Variants in ANKS6 observed in about 807,000 individuals in gnomAD.
The protein encoded by ANKS6 is ankyrin repeat and sterile alpha motif domain containing 6, also known as ankyrin repeat and SAM domain-containing protein 6.
ANKS6 carries 47 observed loss-of-function variants against 77.9 expected under a neutral mutation model. That is an observed-to-expected ratio of 0.60 (90% CI 0.48 to 0.77). ANKS6 has a LOEUF of 0.77. Ranked by LOEUF, ANKS6 falls within the 30% of genes least tolerant of loss-of-function variation. The pLI, the probability that ANKS6 is intolerant of heterozygous loss-of-function variation, is 0.00. For synonymous variants in ANKS6, 488 were observed against 501.7 expected (o/e 0.97, Z 0.37); for missense variants, 1,150 against 1,159.1 (o/e 0.99, Z 0.11).
intron 8 of ANKS6, among the ~76,000 whole-genome samples, chr9:98,775,371 C>A (rs191174417): frequency 6.6e-6 from 1 of 152,318 alleles, no homozygotes; most frequent in South Asian, 2.1e-4. Flanking sequence ...ATCCCAGAGT[C>A]TGACAGTTCA....
At chr9:98,746,689 G>A (rs540673014) in intron 13 of ANKS6, among the ~76,000 whole-genome samples, 1 of 151,426 alleles carries the variant, frequency 6.6e-6, no homozygotes, top group African/African-American at 2.4e-5. Flanking sequence ...TCTCCACAAT[G>A]CCACATCACC....
chr9:98,736,763 A>C, intron 14 of ANKS6, 140 bp from the exon 15 acceptor site: 2 of 1,080,728 alleles, frequency 1.9e-6, no homozygotes, highest in Non-Finnish European at 2.7e-6. Flanking sequence ...TACCTAACTG[A>C]AAGAGTACCG....
chr9:98,764,221 AT>A (rs1275261247), intron 11 of ANKS6, among the ~76,000 whole-genome samples: 2 of 151,996 alleles, frequency 1.3e-5, no homozygotes, highest in African/African-American at 4.8e-5. Flanking sequence ...TGTAATTCCT[AT>A]TTTTGTTTCT....
Position 98,796,293 on chromosome 9 carries a change from C to A in ANKS6, c.199G>T (p.Ala67Ser), listed in dbSNP as rs1458277909. Residue 67 changes from alanine (A) to serine (S), a missense_variant, in exon 1 of 15, where the codon GCT (alanine) becomes TCT (serine). Coordinates refer to ENST00000353234, the MANE Select transcript of ANKS6 (RefSeq NM_173551.5). ...TCCGAGCAATCCACGGGCACCGGAG[C>A]CCCGACTGCCCCCGCCGCTGCGGCC... ...PGAAAAGAVG[A>S]PVPVDCSDEA... The A allele has an allele frequency of 7.8e-7, 1 of 1,276,696 alleles. No individual in the cohort carries two copies. Among genetic ancestry groups the A allele is most frequent in the African/African-American group, 1.5e-5 (1 of 65,094 alleles). 79.1% of individuals were successfully genotyped at this position (1,276,696 alleles called of 1,614,324 possible).
intron 2 of ANKS6, 53 bp downstream of exon 2, chr9:98,790,051 C>T: frequency 6.6e-7 from 1 of 1,518,666 alleles, no homozygotes. Flanking sequence ...GCTTAAGCCA[C>T]ATAAACACAA....
rs949232893 is a variant in ANKS6, at chr9:98,791,336, C to T, written c.360-730G>A. Among the ~76,000 whole-genome samples, 7 of 152,244 alleles carry T rather than the reference C, an allele frequency of 4.6e-5. No homozygotes were observed. Among genetic ancestry groups the T allele is most frequent in the African/African-American group, 1.7e-4 (7 of 41,458 alleles). On this transcript the variant is annotated intron_variant, in intron 1 of 14. Coordinates refer to ENST00000353234, the MANE Select transcript of ANKS6 (RefSeq NM_173551.5). The surrounding 1 kb of genome is among the most constrained non-coding windows in gnomAD (Gnocchi z 4.3). ...CTGGGCATTGCGGCCTGGAGGCCTGCTGCCACCTGCTGGCAGGAATGTTTG... is the reference window on the plus strand; with the variant it reads ...CTGGGCATTGCGGCCTGGAGGCCTGTTGCCACCTGCTGGCAGGAATGTTTG...
intron 12 of ANKS6, among the ~76,000 whole-genome samples, chr9:98,754,307 T>C (rs1832582073): frequency 6.6e-6 from 1 of 152,160 alleles, no homozygotes; most frequent in African/African-American, 2.4e-5. Flanking sequence ...TCACGTGTCC[T>C]TGACTGGGAC....
intron 5 of ANKS6, 62 bp downstream of exon 5, chr9:98,782,405 T>A: frequency 6.8e-7 from 1 of 1,469,994 alleles, no homozygotes; most frequent in Non-Finnish European, 9.5e-7. Flanking sequence ...GAGGTGCCTG[T>A]CTTGACTCCC....
intron 14 of ANKS6, among the ~76,000 whole-genome samples, chr9:98,738,247 C>G (rs1055143822): frequency 1.3e-5 from 2 of 152,044 alleles, no homozygotes; most frequent in African/African-American, 4.8e-5. Context: ...CTTATTTAAA[C>G]TAAAGAGCTT....
At chr9:98,762,019 C>G (rs533573016) in intron 11 of ANKS6, among the ~76,000 whole-genome samples, 1 of 152,144 alleles carries the variant, frequency 6.6e-6, no homozygotes, top group Admixed American at 6.5e-5. Flanking sequence ...AATCACAAGC[C>G]TTCCATCTCT....
chr9:98,778,408 A>C lies in ANKS6; in HGVS notation c.1385T>G (p.Met462Arg), dbSNP rs2118085004. The C allele has an allele frequency of 6.2e-7, 1 of 1,614,038 alleles. No individual in the cohort carries two copies. The change falls in exon 7 of 15, where the codon ATG (methionine) becomes AGG (arginine). Residue 462 changes from methionine (M) to arginine (R), a missense_variant. Physicochemically the swap from Met to Arg is moderately conservative, Grantham distance 91 (BLOSUM62 -1). Transcript: ENST00000353234. ...KGGLKSWWNRMSNRFRKLKLM... is the reference protein window; with the variant it reads ...KGGLKSWWNRRSNRFRKLKLM... ...TTTGAGCTTTCGGAACCGATTGGAC[A>C]TTCGGTTCCACCAGGACTGCCAAAG...
chr9:98,787,021 G>C (rs540603970), intron 2 of ANKS6, among the ~76,000 whole-genome samples: 97 of 152,202 alleles, frequency 6.4e-4, no homozygotes, highest in Non-Finnish European at 1.3e-3. Context: ...CACAACCTCA[G>C]TGGGGAGTCA....
At chr9:98,785,711 A>T (rs746884954) in intron 2 of ANKS6, among the ~76,000 whole-genome samples, 55 of 152,156 alleles carry the variant, frequency 3.6e-4, no homozygotes, top group Admixed American at 3.3e-4. Flanking sequence ...GGGATGGAGC[A>T]GCTGCCAGAG....
chr9:98,738,243 T>G (rs1212052116), intron 14 of ANKS6, among the ~76,000 whole-genome samples: 4 of 152,064 alleles, frequency 2.6e-5, no homozygotes, highest in Non-Finnish European at 5.9e-5. Context: ...GAGACTTATT[T>G]AAACTAAAGA....
intron 8 of ANKS6, among the ~76,000 whole-genome samples, chr9:98,775,556 T>C (rs1833877584): frequency 6.6e-6 from 1 of 152,190 alleles, no homozygotes; most frequent in South Asian, 2.1e-4. Flanking sequence ...CTCAGGAATA[T>C]TAAATGAGCT....
chr9:98,774,445 G>C (rs1440149728), intron 8 of ANKS6, among the ~76,000 whole-genome samples: 1 of 152,186 alleles, frequency 6.6e-6, no homozygotes. Context: ...TGTGGGAACC[G>C]AGCTGAGAAC....
intron 12 of ANKS6, among the ~76,000 whole-genome samples, chr9:98,755,078 T>A (rs1417285599): frequency 1.3e-5 from 2 of 152,184 alleles, no homozygotes; most frequent in Admixed American, 6.5e-5. Context: ...GAGGCCTTGA[T>A]AAATGATCAC....
intron 12 of ANKS6, among the ~76,000 whole-genome samples, chr9:98,755,599 G>A (rs1832657655): frequency 2.0e-5 from 3 of 152,154 alleles, no homozygotes; most frequent in Admixed American, 1.3e-4. Context: ...GCTTTTGCTT[G>A]CCCTCACCCA....
rs566332388 is a variant in ANKS6, at chr9:98,779,410, C to T, written c.1368+779G>A. On this transcript the variant is annotated intron_variant, in intron 6 of 14. Transcript: ENST00000353234. ...GTAAAGCAGAGGCTGCAAACGGATT[C>T]CTTGGGAAGAGAAGTGTTTGCTTTG... is the stretch of plus-strand genomic sequence containing the variant. Among the ~76,000 whole-genome samples the T allele has an allele frequency of 7.9e-5, 12 of 152,254 alleles. 1 individual carries two copies. Among genetic ancestry groups the T allele is most frequent in the African/African-American group, 2.2e-4 (9 of 41,564 alleles).
Sources: allele counts gnomAD v4.1 joint callset (sites outside exome capture counted in the v4.1 genomes callset), GRCh38; gene constraint gnomAD v4.1.1; non-coding constraint Gnocchi (gnomAD v3.1); transcripts MANE v1.5; gene names NCBI Gene and HGNC (gene_info 2026-07-23, HGNC 2026-07-21).